Variants in SCHIP1 observed in about 807,000 individuals in gnomAD.
The protein encoded by SCHIP1 is schwannomin interacting protein 1.
Under a neutral mutation model 29.7 loss-of-function variants are expected in SCHIP1, and 8 were observed. The ratio of observed to expected loss-of-function variants is 0.27; its 90% confidence interval spans 0.16 to 0.49. The LOEUF is 0.49. Among genes scored for constraint, SCHIP1 ranks in the 20% least tolerant of loss-of-function variants. SCHIP1 has a pLI of 0.99. For synonymous variants in SCHIP1, 76 were observed against 94.9 expected (o/e 0.80, Z 1.16); for missense variants, 193 against 294.6 (o/e 0.66, Z 2.52).
At chr3:159,666,401 T>C in the SCHIP1 span, among the ~76,000 whole-genome samples, 1 of 152,230 alleles carries the variant, frequency 6.6e-6, no homozygotes, top group East Asian at 1.9e-4. Context: ...AACGGTGCTA[T>C]CAAGACTTCT....
the SCHIP1 span, among the ~76,000 whole-genome samples, chr3:159,305,294 C>T: frequency 6.6e-6 from 1 of 152,182 alleles, no homozygotes; most frequent in African/African-American, 2.4e-5. Flanking sequence ...AGGGACTTCC[C>T]CAGTCTCCCA....
At chr3:159,579,399 T>C in the SCHIP1 span, among the ~76,000 whole-genome samples, 1 of 152,192 alleles carries the variant, frequency 6.6e-6, no homozygotes, top group African/African-American at 2.4e-5. Flanking sequence ...TAAAAGACAG[T>C]GTAACTTTCA....
At chr3:159,640,905 G>T in the SCHIP1 span, among the ~76,000 whole-genome samples, 1 of 152,156 alleles carries the variant, frequency 6.6e-6, no homozygotes, top group South Asian at 2.1e-4. Flanking sequence ...GCCTACATTA[G>T]AAAGACAATG....
chr3:159,425,307 C>A, the SCHIP1 span, among the ~76,000 whole-genome samples: 1 of 151,922 alleles, frequency 6.6e-6, no homozygotes, highest in Admixed American at 6.6e-5. Flanking sequence ...ATCTCACATG[C>A]AGAGACACAC....
At chr3:159,367,573 A>G in the SCHIP1 span, among the ~76,000 whole-genome samples, 5 of 152,226 alleles carry the variant, frequency 3.3e-5, no homozygotes, top group Non-Finnish European at 7.3e-5. Context: ...CTGCCAAACA[A>G]ATAATAGATG....
At chr3:159,693,339 G>GCA in the SCHIP1 span, among the ~76,000 whole-genome samples, 1 of 151,976 alleles carries the variant, frequency 6.6e-6, no homozygotes, top group Non-Finnish European at 1.5e-5. Flanking sequence ...TAAAATATAC[G>GCA]CACACATATA....
intron 1 of SCHIP1, among the ~76,000 whole-genome samples, chr3:159,849,427 A>T (rs1712276648): frequency 6.6e-6 from 1 of 152,186 alleles, no homozygotes; most frequent in South Asian, 2.1e-4. Flanking sequence ...CATCCATGTT[A>T]GCTATCGATT....
the SCHIP1 span, among the ~76,000 whole-genome samples, chr3:159,319,855 C>T: frequency 2.6e-5 from 4 of 152,104 alleles, no homozygotes; most frequent in Admixed American, 6.6e-5. Flanking sequence ...TTAGTGTTGG[C>T]CAATTAAGTG....
chr3:159,892,237 C>G, intron 6 of SCHIP1, 47 bp downstream of exon 7: 1 of 1,609,132 alleles, frequency 6.2e-7, no homozygotes, highest in Non-Finnish European at 8.5e-7. Context: ...CCAGGGTGGT[C>G]TGAAATCTAA....
the SCHIP1 span, among the ~76,000 whole-genome samples, chr3:159,748,586 G>A: frequency 6.6e-6 from 1 of 152,160 alleles, no homozygotes; most frequent in Non-Finnish European, 1.5e-5. Context: ...GCTCCTACCT[G>A]GGCTACCAAG....
the SCHIP1 span, among the ~76,000 whole-genome samples, chr3:159,381,177 A>G: frequency 6.6e-6 from 1 of 152,152 alleles, no homozygotes; most frequent in Non-Finnish European, 1.5e-5. Flanking sequence ...CCGCTCAAAC[A>G]AGAATGTCAA....
At chr3:159,854,241 C>T (rs568643521) in intron 1 of SCHIP1, among the ~76,000 whole-genome samples, 1 of 152,180 alleles carries the variant, frequency 6.6e-6, no homozygotes, top group African/African-American at 2.4e-5. Flanking sequence ...AACAGTAAAA[C>T]TTGCTACTTA....
chr3:159,732,302 C>A, the SCHIP1 span, among the ~76,000 whole-genome samples: 1 of 152,174 alleles, frequency 6.6e-6, no homozygotes, highest in African/African-American at 2.4e-5. Context: ...AATTGTCTTC[C>A]TTATATGGTG....
the SCHIP1 span, among the ~76,000 whole-genome samples, chr3:159,829,750 C>T: frequency 0.024 from 3,687 of 152,268 alleles, 74 homozygotes; most frequent in Middle Eastern, 0.044. Context: ...AATAAAATTA[C>T]GCAAGTTGCC....
intron 1 of SCHIP1, chr3:159,845,382 CTTTT>C (rs11344098): frequency 5.0e-5 from 7 of 140,598 alleles, no homozygotes; most frequent in African/African-American, 5.3e-5. Flanking sequence ...CAAGCTTCTT[CTTTT>C]TTTTTTTTTT....
the SCHIP1 span, among the ~76,000 whole-genome samples, chr3:159,287,990 T>C: frequency 6.6e-6 from 1 of 152,242 alleles, no homozygotes; most frequent in Admixed American, 6.5e-5. Context: ...ATATACTTGC[T>C]TGATAAAAGT....
chr3:159,842,675 C>A (rs950070583), intron 1 of SCHIP1, among the ~76,000 whole-genome samples: 1 of 152,066 alleles, frequency 6.6e-6, no homozygotes, highest in Non-Finnish European at 1.5e-5. Context: ...CCTGCACCTG[C>A]TATTCCTTCT....
At chr3:159,765,135 C>T in the SCHIP1 span, 10 of 1,559,212 alleles carry the variant, frequency 6.4e-6, no homozygotes, top group African/African-American at 8.3e-5. Flanking sequence ...CCAACTCCAC[C>T]TCCGTAAGTT....
intron 1 of SCHIP1, among the ~76,000 whole-genome samples, chr3:159,842,286 G>C (rs1014696289): frequency 6.6e-6 from 1 of 152,074 alleles, no homozygotes; most frequent in Admixed American, 6.5e-5. Context: ...TTCTTAATGG[G>C]TAGTCCATGA....
Sources: allele counts gnomAD v4.1 joint callset (sites outside exome capture counted in the v4.1 genomes callset), GRCh38; gene constraint gnomAD v4.1.1; transcripts MANE v1.5; gene names NCBI Gene and HGNC (gene_info 2026-07-23, HGNC 2026-07-21).